HIVEP3: variants seen among roughly 807,000 people sequenced by gnomAD.
The protein encoded by HIVEP3 is HIVEP zinc finger 3.
A neutral mutation model predicts 152.8 loss-of-function variants in HIVEP3; 49 were observed. The ratio of observed to expected loss-of-function variants is 0.32; its 90% CI spans 0.26 to 0.41. HIVEP3 has a LOEUF of 0.41. HIVEP3 is among the 10% of genes least tolerant of loss of function. The pLI, the probability that HIVEP3 is intolerant of heterozygous loss-of-function variation, is 1.00. For missense variants in HIVEP3, 2,790 were observed against 3,103.3 expected (o/e 0.90, Z 2.40); for synonymous variants, 1,269 against 1,289.0 (o/e 0.98, Z 0.33).
chr1:41,712,267 G>A (rs1646524483), intron 1 of HIVEP3, among the ~76,000 whole-genome samples: 1 of 152,226 alleles, frequency 6.6e-6, no homozygotes, highest in South Asian at 2.1e-4. Context: ...ATGGTGATAT[G>A]AAGGAGGCAT....
chr1:41,615,813 G>GTTT (rs1405258798), intron 3 of HIVEP3, among the ~76,000 whole-genome samples: 2 of 94,320 alleles, frequency 2.1e-5, no homozygotes, highest in Admixed American at 1.3e-4. Context: ...TATTTGACAA[G>GTTT]TCTTTTTTTT....
At chr1:41,524,133 A>T (rs1279065755) in intron 6 of HIVEP3, among the ~76,000 whole-genome samples, 1 of 151,918 alleles carries the variant, frequency 6.6e-6, no homozygotes, top group Non-Finnish European at 1.5e-5. Flanking sequence ...CCTGACCCTG[A>T]TGTGGGGTGT....
At chr1:41,726,156 C>CT (rs1646749228) in intron 1 of HIVEP3, among the ~76,000 whole-genome samples, 1 of 152,128 alleles carries the variant, frequency 6.6e-6, no homozygotes, top group South Asian at 2.1e-4. Flanking sequence ...GAAACCAAAC[C>CT]TTTTTCTTTT....
At chr1:41,788,869 C>T (rs6691559) in intron 1 of HIVEP3, among the ~76,000 whole-genome samples, 5,491 of 152,320 alleles carry the variant, frequency 0.036, 323 homozygotes, top group African/African-American at 0.13. Context: ...TGCTTGGTAG[C>T]TGAGCCCAGC....
chr1:41,713,923 T>G (rs1646552209), intron 1 of HIVEP3, among the ~76,000 whole-genome samples: 1 of 152,182 alleles, frequency 6.6e-6, no homozygotes, highest in South Asian at 2.1e-4. Flanking sequence ...CCCGAAACAA[T>G]GCTGCTGGTC....
Position 41,761,758 on chromosome 1 carries a change from A to C in HIVEP3, c.-800-60763T>G, listed in dbSNP as rs148425920. ...TATGCCTATGTGAGTGCATGGGTGT[A>C]TATGTGTAGGCACATGTATGTGCAT... On this transcript the variant is annotated intron_variant, in intron 1 of 8. Transcript: ENST00000372583. 7.4e-3 allele frequency among the ~76,000 whole-genome samples: 1,123 copies of C among 152,332 alleles called. 8 individuals are homozygous for C. The highest frequency in any genetic ancestry group is 0.024 in the African/African-American group (984 of 41,566).
chr1:41,568,223 G>T (rs1205461975), intron 5 of HIVEP3, among the ~76,000 whole-genome samples: 6 of 152,252 alleles, frequency 3.9e-5, no homozygotes, highest in Non-Finnish European at 8.8e-5. Flanking sequence ...AAGAGGATAA[G>T]AAGTGCCATG....
chr1:41,528,232 A>C (rs1569754936), intron 5 of HIVEP3, among the ~76,000 whole-genome samples: 1 of 57,140 alleles, frequency 1.8e-5, no homozygotes, highest in Admixed American at 2.1e-4. Context: ...CCACCCTCAC[A>C]CCCTCACACA....
intron 1 of HIVEP3, among the ~76,000 whole-genome samples, chr1:41,821,441 G>A (rs1371571021): frequency 6.6e-6 from 1 of 152,162 alleles, no homozygotes; most frequent in Non-Finnish European, 1.5e-5. Context: ...TTGGGCCTAT[G>A]TCAAGCATCG....
intron 1 of HIVEP3, among the ~76,000 whole-genome samples, chr1:41,721,914 G>A (rs1327556085): frequency 6.6e-6 from 1 of 152,196 alleles, no homozygotes; most frequent in Non-Finnish European, 1.5e-5. Flanking sequence ...TAGTGAGCGT[G>A]ATCCACTCCA....
intron 1 of HIVEP3, among the ~76,000 whole-genome samples, chr1:41,784,225 G>T (rs988482321): frequency 6.6e-6 from 1 of 152,174 alleles, no homozygotes; most frequent in Non-Finnish European, 1.5e-5. Context: ...TTGAAATGTG[G>T]CTAGGCCATA....
At chr1:41,746,121 C>T (rs375926619) in intron 1 of HIVEP3, among the ~76,000 whole-genome samples, 1 of 152,148 alleles carries the variant, frequency 6.6e-6, no homozygotes, top group African/African-American at 2.4e-5. Context: ...TGATGGACTG[C>T]CTGCTGCCCC....
intron 1 of HIVEP3, among the ~76,000 whole-genome samples, chr1:41,771,882 G>C (rs957283303): frequency 6.6e-6 from 1 of 152,102 alleles, no homozygotes; most frequent in Non-Finnish European, 1.5e-5. Flanking sequence ...AGCCAGGCTG[G>C]TCTCAAATTC....
chr1:41,826,020 C>T (rs1401810129), intron 1 of HIVEP3, among the ~76,000 whole-genome samples: 1 of 152,056 alleles, frequency 6.6e-6, no homozygotes, highest in East Asian at 1.9e-4. Flanking sequence ...GAAGATGTTG[C>T]CCAAAACTGT....
chr1:41,535,010 C>T lies in HIVEP3; in HGVS notation c.5208-10100G>A, dbSNP rs190533696. Reference sequence around the variant, plus strand: ...CCTGAGACACGGCAGAGCACGGTCACATGGCGGGCATCACTCGATCCTCCC... The same window carrying T: ...CCTGAGACACGGCAGAGCACGGTCATATGGCGGGCATCACTCGATCCTCCC... On this transcript the variant is annotated intron_variant, in intron 5 of 8. Transcript: ENST00000372583. Among the ~76,000 whole-genome samples, 11 of 152,304 alleles carry T rather than the reference C, an allele frequency of 7.2e-5. No homozygotes were observed. In the East Asian group the frequency reaches 2.1e-3, roughly 29 times the overall value.
chr1:41,883,246 G>T (rs1644291302), intron 1 of HIVEP3, among the ~76,000 whole-genome samples: 1 of 152,100 alleles, frequency 6.6e-6, no homozygotes, highest in Admixed American at 6.5e-5. Context: ...GGGAAGGCTG[G>T]GGCAGCTTCT....
intron 1 of HIVEP3, among the ~76,000 whole-genome samples, chr1:41,870,210 T>C (rs1272785149): frequency 1.3e-5 from 2 of 152,210 alleles, no homozygotes; most frequent in African/African-American, 4.8e-5. Flanking sequence ...TCCCTGCTCA[T>C]GCCTCAGACC....
intron 1 of HIVEP3, among the ~76,000 whole-genome samples, chr1:41,730,042 G>A (rs1558218298): frequency 6.6e-6 from 1 of 152,188 alleles, no homozygotes; most frequent in Non-Finnish European, 1.5e-5. Flanking sequence ...AGCTAGTCGG[G>A]GTTGAGCGTG....
chr1:41,726,884 G>A (rs1250761834), intron 1 of HIVEP3, among the ~76,000 whole-genome samples: 1 of 152,226 alleles, frequency 6.6e-6, no homozygotes, highest in African/African-American at 2.4e-5. Context: ...GGAAAATGAT[G>A]CCTCTGTGCT....
Sources: allele counts gnomAD v4.1 joint callset (sites outside exome capture counted in the v4.1 genomes callset), GRCh38; gene constraint gnomAD v4.1.1; transcripts MANE v1.5; gene names NCBI Gene and HGNC (gene_info 2026-07-23, HGNC 2026-07-21).